The following ZNF221 variants were observed in gnomAD, a reference collection of about 807,000 sequenced individuals.
ZNF221 encodes zinc finger protein 221.
Under a neutral mutation model 12.6 loss-of-function variants are expected in ZNF221, and 10 were observed. The observed-to-expected ratio is 0.79, with a 90% CI of 0.49 to 1.34. The LOEUF is 1.34. Among genes scored for constraint, ZNF221 ranks in the 40% most tolerant of loss-of-function variants. The pLI is 0.00. For missense variants in ZNF221, 661 were observed against 721.4 expected (o/e 0.92, Z 0.96); for synonymous variants, 232 against 244.0 (o/e 0.95, Z 0.46).
At position 43,966,355 on chromosome 19, in the gene ZNF221, G is replaced by C. The variant is rs1974955402; in HGVS notation, c.853G>C (p.Glu285Gln). ...CACAGGAGAGAAACCTTATAATTGT[G>C]AGGAATGTGGGAAAGCCTTCATTCA... ...LHTGEKPYNCEECGKAFIHDS... is the reference protein window; with the variant it reads ...LHTGEKPYNCQECGKAFIHDS... Residue 285 changes from glutamate (E) to glutamine (Q), a missense_variant, in exon 5 of 5, where the codon GAG becomes CAG. Coordinates refer to ENST00000587682, the MANE Select transcript of ZNF221 (RefSeq NM_001297588.2). 1 of 1,613,572 alleles carries C rather than the reference G, an allele frequency of 6.2e-7. No individual in the cohort carries two copies. The highest frequency in any genetic ancestry group is 1.7e-5 in the Admixed American group (1 of 59,964).
In ZNF221 at chr19:43,966,271, G is replaced by C; in HGVS notation, c.769G>C (p.Gly257Arg). 1 of 1,614,004 alleles carries C rather than the reference G, an allele frequency of 6.2e-7. No individual in the cohort carries two copies. Residue 257 changes from glycine to arginine, a missense_variant, in exon 5 of 5, where the codon GGG (glycine) becomes CGG (arginine). Gly to Arg is a moderately radical substitution (Grantham distance 125, BLOSUM62 -2). Transcript: ENST00000587682. ...VHTGEKPFKC[G>R]QCGKGFHSRS... The stretch of plus-strand genomic sequence containing the variant: ...TACTGGAGAGAAACCATTCAAATGT[G>C]GGCAATGTGGGAAAGGCTTCCATAG...
chr19:43,958,814 T>C (rs1974799471), intron 1 of ZNF221, among the ~76,000 whole-genome samples: 1 of 152,242 alleles, frequency 6.6e-6, no homozygotes, highest in African/African-American at 2.4e-5. Flanking sequence ...GATGTAATAG[T>C]CAAAGGGGTC....
chr19:43,965,413 A>C, intron 4 of ZNF221, 88 bp downstream of exon 4: 1 of 1,213,834 alleles, frequency 8.2e-7, no homozygotes, highest in Non-Finnish European at 1.1e-6. Flanking sequence ...CCCTGGTCTA[A>C]ATTGCCAAAC....
At chr19:43,975,441 G>A in the ZNF221 span, among the ~76,000 whole-genome samples, 2 of 152,188 alleles carry the variant, frequency 1.3e-5, no homozygotes, top group Non-Finnish European at 2.9e-5. Flanking sequence ...CACAGGAACA[G>A]AAAACCAAAC....
At chr19:43,976,289 G>T in the ZNF221 span, among the ~76,000 whole-genome samples, 1 of 151,920 alleles carries the variant, frequency 6.6e-6, no homozygotes, top group East Asian at 2.0e-4. Context: ...TGTAATCCCA[G>T]CACTTTGGGA....
chr19:43,981,200 T>TA, the ZNF221 span, among the ~76,000 whole-genome samples: 1 of 152,298 alleles, frequency 6.6e-6, no homozygotes, highest in African/African-American at 2.4e-5. Context: ...CTATGTTATT[T>TA]AAAAAACAAG....
chr19:43,971,443 A>G (rs554982496), downstream of ZNF221, among the ~76,000 whole-genome samples: 13 of 152,320 alleles, frequency 8.5e-5, no homozygotes, highest in African/African-American at 2.6e-4. Context: ...AAATGCCCCA[A>G]TTGAAAGACA....
At chr19:43,953,402 T>G (rs938804017) in intron 1 of ZNF221, among the ~76,000 whole-genome samples, 2 of 152,160 alleles carry the variant, frequency 1.3e-5, no homozygotes, top group African/African-American at 4.8e-5. Context: ...GGAACCTCCA[T>G]GCATTCAGCA....
intron 1 of ZNF221, among the ~76,000 whole-genome samples, chr19:43,955,067 G>A (rs1204217611): frequency 2.0e-5 from 3 of 150,948 alleles, no homozygotes; most frequent in Non-Finnish European, 4.4e-5. Context: ...ATTCATTGCT[G>A]GACATTGTGG....
intron 1 of ZNF221, among the ~76,000 whole-genome samples, chr19:43,956,405 A>C (rs1974754059): frequency 6.6e-6 from 1 of 152,206 alleles, no homozygotes; most frequent in African/African-American, 2.4e-5. Flanking sequence ...AGTCTGTTTA[A>C]ATAGTCCAAC....
chr19:43,972,527 A>G (rs1975118239), downstream of ZNF221, among the ~76,000 whole-genome samples: 1 of 152,026 alleles, frequency 6.6e-6, no homozygotes, highest in Non-Finnish European at 1.5e-5. Context: ...AAAGAAGAAA[A>G]GAGAGAAGAA....
At chr19:43,959,018 C>T (rs977474849) in intron 1 of ZNF221, among the ~76,000 whole-genome samples, 2 of 151,196 alleles carry the variant, frequency 1.3e-5, no homozygotes, top group Non-Finnish European at 2.9e-5. Flanking sequence ...TCCTGTGTGT[C>T]TGCATCAGGT....
intron 2 of ZNF221, 106 bp downstream of exon 2, chr19:43,962,913 G>A: frequency 9.1e-7 from 1 of 1,093,250 alleles, no homozygotes; most frequent in Non-Finnish European, 1.3e-6. Context: ...AAGCATTTGA[G>A]GGCATTTTGT....
chr19:43,957,220 G>A (rs371979845), intron 1 of ZNF221, among the ~76,000 whole-genome samples: 59 of 151,882 alleles, frequency 3.9e-4, no homozygotes, highest in African/African-American at 1.3e-3. Context: ...CTGCTCTGTC[G>A]CCCAGGCTGG....
At chr19:43,976,365 C>G in the ZNF221 span, among the ~76,000 whole-genome samples, 3 of 151,944 alleles carry the variant, frequency 2.0e-5, no homozygotes, top group Non-Finnish European at 2.9e-5. Flanking sequence ...TGGCAAAACC[C>G]CGTCTCTACT....
chr19:43,953,250 C>G (rs565583294), intron 1 of ZNF221, among the ~76,000 whole-genome samples: 3 of 146,380 alleles, frequency 2.0e-5, no homozygotes, highest in African/African-American at 5.4e-5. Context: ...TGTGCCCAGT[C>G]ATTAAGCTTT....
the ZNF221 span, among the ~76,000 whole-genome samples, chr19:43,979,426 T>C: frequency 9.1e-6 from 1 of 109,548 alleles, no homozygotes; most frequent in African/African-American, 3.6e-5. Flanking sequence ...GTAATACATA[T>C]ATATATATAT....
At chr19:43,972,489 A>T (rs1975117588), downstream of ZNF221, among the ~76,000 whole-genome samples, 1 of 152,016 alleles carries the variant, frequency 6.6e-6, no homozygotes, top group Non-Finnish European at 1.5e-5. Flanking sequence ...TTTTTGAAAA[A>T]AATTAATAGA....
At chr19:43,953,670 A>G (rs1261536257) in intron 1 of ZNF221, among the ~76,000 whole-genome samples, 2 of 152,156 alleles carry the variant, frequency 1.3e-5, no homozygotes, top group Non-Finnish European at 2.9e-5. Flanking sequence ...ACAAAAGATC[A>G]ATTTGGAGAT....
Sources: gnomAD v4.1 joint callset for allele counts (sites outside exome capture counted in the v4.1 genomes callset) on GRCh38, gnomAD v4.1.1 for gene constraint, MANE v1.5 for transcripts, NCBI Gene and HGNC (gene_info 2026-07-23, HGNC 2026-07-21) for gene names.